Variants in RYR2 observed in about 807,000 individuals in gnomAD.
The protein encoded by RYR2 is cardiac muscle ryanodine receptor-calcium release channel.
RYR2 carries 227 observed loss-of-function variants against 601.1 expected under a neutral mutation model. That is an observed-to-expected ratio of 0.38 (90% CI 0.34 to 0.42). RYR2 has a LOEUF of 0.42. RYR2 is among the 10% of genes least tolerant of loss of function. The pLI is 1.00. For missense variants in RYR2, 4,646 were observed against 6,156.5 expected, an observed-to-expected ratio of 0.75 and a Z score of 8.21; for synonymous variants, 2,223 against 2,175.1, an observed-to-expected ratio of 1.02 and a Z score of -0.61.
At chr1:237,495,031 C>T (rs1047077843) in intron 19 of RYR2, among the ~76,000 whole-genome samples, 9 of 152,044 alleles carry the variant, frequency 5.9e-5, no homozygotes, top group Admixed American at 2.6e-4. Flanking sequence ...CCTTGTGATC[C>T]GCCCGCCTTA....
intron 1 of RYR2, among the ~76,000 whole-genome samples, chr1:237,152,158 T>A (rs1674782073): frequency 6.6e-6 from 1 of 152,222 alleles, no homozygotes; most frequent in African/African-American, 2.4e-5. Context: ...TCCAGCTTCA[T>A]CCATGTCTCT....
At chr1:237,488,474 T>C (rs1375867794) in intron 17 of RYR2, among the ~76,000 whole-genome samples, 1 of 152,138 alleles carries the variant, frequency 6.6e-6, no homozygotes, top group Admixed American at 6.5e-5. Flanking sequence ...GGGCTCTACC[T>C]TCATGACCTA....
chr1:237,166,133 C>T (rs549854261), intron 1 of RYR2, among the ~76,000 whole-genome samples: 46 of 152,316 alleles, frequency 3.0e-4, no homozygotes, highest in African/African-American at 9.6e-4. Context: ...TGTTTATCTA[C>T]GTGTGTGTTT....
At chr1:237,107,862 C>T (rs576005703) in intron 1 of RYR2, among the ~76,000 whole-genome samples, 2 of 152,236 alleles carry the variant, frequency 1.3e-5, no homozygotes, top group East Asian at 1.9e-4. Flanking sequence ...GCTCCTCCCT[C>T]CTTCCCTGGG....
intron 3 of RYR2, among the ~76,000 whole-genome samples, chr1:237,346,214 A>G (rs1698295410): frequency 6.6e-6 from 1 of 152,002 alleles, no homozygotes; most frequent in African/African-American, 2.4e-5. Flanking sequence ...AAAAAATAAA[A>G]TAATTAGCCA....
chr1:237,409,051 A>G (rs991539187), intron 10 of RYR2, among the ~76,000 whole-genome samples: 1 of 152,018 alleles, frequency 6.6e-6, no homozygotes, highest in Non-Finnish European at 1.5e-5. Flanking sequence ...TAGTTTCAGG[A>G]GATTTTTGTT....
intron 1 of RYR2, among the ~76,000 whole-genome samples, chr1:237,071,569 A>G (rs1664324469): frequency 6.6e-6 from 1 of 151,998 alleles, no homozygotes; most frequent in South Asian, 2.1e-4. Flanking sequence ...GTGCGTGCTG[A>G]TGGGTCCACG....
At chr1:237,055,679 A>G (rs1472624456) in intron 1 of RYR2, among the ~76,000 whole-genome samples, 1 of 152,148 alleles carries the variant, frequency 6.6e-6, no homozygotes, top group Non-Finnish European at 1.5e-5. Context: ...TTTTGGATGT[A>G]TTTATTTTGA....
rs1660971057 is a variant in RYR2, at chr1:237,809,042, T to G, written c.14433+7T>G. ...ATGTGACGATATGCTAACAGTAAGT[T>G]CATAACCTTTGATCTCACATAAACA... On this transcript the variant is annotated splice_region_variant and intron_variant, in intron 100 of 104. Coordinates refer to ENST00000366574, the MANE Select transcript of RYR2 (RefSeq NM_001035.3). 2.5e-6 allele frequency: 4 copies of G among 1,611,286 alleles called. No individual in the cohort carries two copies. The highest frequency in any genetic ancestry group is 3.4e-6 in the Non-Finnish European group (4 of 1,178,338).
At position 237,607,457 on chromosome 1, in the gene RYR2, G is replaced by A. The variant is rs180877235; in HGVS notation, c.4684-3305G>A. On this transcript the variant is annotated intron_variant, in intron 35 of 104. Transcript: ENST00000366574. ...GGGGAGGGAGGGAGGGATAGCATTA[G>A]GAGATATACCTAATGTAAATGACGC... Among the ~76,000 whole-genome samples the A allele has an allele frequency of 3.7e-4, 56 of 152,212 alleles. 1 individual carries two copies. The East Asian group carries it at 0.01, about 28-fold the overall frequency.
In RYR2 at chr1:237,808,914, T is replaced by C; in HGVS notation, c.14312T>C (p.Val4771Ala). 1 of 1,613,810 alleles carries C rather than the reference T, an allele frequency of 6.2e-7. No individual in the cohort carries two copies. The highest frequency in any genetic ancestry group is 8.5e-7 in the Non-Finnish European group (1 of 1,179,742). ...THNGKQLVLT[V>A]GLLAVVVYLY... The stretch of plus-strand genomic sequence containing the variant: ...ATTGTTTTCCAGCTCGTATTAACCG[T>C]TGGCTTATTAGCTGTTGTTGTATAC... The change falls in exon 100 of 105, where the codon GTT (valine) becomes GCT (alanine). Residue 4771 changes from valine to alanine, a missense_variant. Around this residue, in one of 17 missense-constraint regions of RYR2, gnomAD observed 8 missense variants for 45.1 expected, o/e 0.18. Coordinates refer to ENST00000366574, the MANE Select transcript of RYR2 (RefSeq NM_001035.3).
intron 1 of RYR2, among the ~76,000 whole-genome samples, chr1:237,150,587 A>G (rs1180583256): frequency 6.6e-6 from 1 of 152,244 alleles, no homozygotes; most frequent in Non-Finnish European, 1.5e-5. Flanking sequence ...AACACAAAGA[A>G]CACATAGCAT....
At chr1:237,657,699 T>C (rs966244822) in intron 53 of RYR2, among the ~76,000 whole-genome samples, 1 of 151,684 alleles carries the variant, frequency 6.6e-6, no homozygotes, top group Non-Finnish European at 1.5e-5. Flanking sequence ...AGTTTTATAA[T>C]ATGTAATTTG....
Position 237,707,071 on chromosome 1 carries a change from A to G in RYR2, c.9703A>G (p.Met3235Val), listed in dbSNP as rs773957909. 7 of 1,613,770 alleles carry G rather than the reference A, an allele frequency of 4.3e-6. No individual in the cohort carries two copies. The highest frequency in any genetic ancestry group is 1.3e-5 in the African/African-American group (1 of 74,906). Residue 3235 changes from methionine (M) to valine (V), a missense_variant, in exon 68 of 105, where the codon ATG becomes GTG. Physicochemically the swap from Met to Val is conservative, Grantham distance 21. Transcript: ENST00000366574. ...GIRYTQMPHV[M>V]EVILPMLCSY... The stretch of plus-strand genomic sequence containing the variant: ...TCGCTACACTCAAATGCCACATGTC[A>G]TGGAAGTCATACTGCCCATGCTTTG...
intron 1 of RYR2, among the ~76,000 whole-genome samples, chr1:237,213,915 C>CTTTTTTTTTT (rs71180008): frequency 9.2e-5 from 6 of 65,494 alleles, no homozygotes; most frequent in South Asian, 6.5e-4. Context: ...TTTTCTTTTT[C>CTTTTTTTTTT]TTTTTTTTTT....
intron 17 of RYR2, among the ~76,000 whole-genome samples, chr1:237,483,032 T>C (rs1218996527): frequency 6.6e-6 from 1 of 152,164 alleles, no homozygotes; most frequent in Non-Finnish European, 1.5e-5. Flanking sequence ...GCCCTCCTTG[T>C]TTCTCTGTGC....
chr1:237,065,269 C>CTTTTTTTTTTTTTTTTTTTTT (rs766039441), intron 1 of RYR2, among the ~76,000 whole-genome samples: 1 of 77,504 alleles, frequency 1.3e-5, no homozygotes, highest in African/African-American at 5.2e-5. Flanking sequence ...GTGTGCTATC[C>CTTTTTTTTTTTTTTTTTTTTT]TTTTTTTTTT....
chr1:237,425,165 T>A (rs7528353), intron 12 of RYR2, among the ~76,000 whole-genome samples: 80,392 of 151,952 alleles, frequency 0.53, 21,644 homozygotes, highest in East Asian at 0.69. Flanking sequence ...TGTTGGTCTT[T>A]GAAAGTTTAG....
intron 1 of RYR2, among the ~76,000 whole-genome samples, chr1:237,153,644 C>T (rs1272278911): frequency 1.5e-5 from 2 of 136,410 alleles, no homozygotes; most frequent in Admixed American, 1.6e-4. Context: ...AAACTATAAT[C>T]AATAAATCTT....
Sources: gnomAD v4.1 joint callset for allele counts (sites outside exome capture counted in the v4.1 genomes callset) on GRCh38, gnomAD v4.1.1 for gene constraint, gnomAD v4.1.1 regional missense constraint, MANE v1.5 for transcripts, NCBI Gene and HGNC (gene_info 2026-07-23, HGNC 2026-07-21) for gene names.